The following NRG3 variants were observed in gnomAD, a reference collection of about 807,000 sequenced individuals.
NRG3 encodes pro-neuregulin-3, membrane-bound isoform.
A neutral mutation model predicts 66.9 loss-of-function variants in NRG3; 31 were observed. That is an observed-to-expected ratio of 0.46 (90% CI 0.35 to 0.63). The LOEUF (loss-of-function observed/expected upper bound fraction) is 0.63, where lower values mean the gene tolerates loss of function less well. NRG3 is among the 20% of genes least tolerant of loss of function. The pLI is 0.00. For missense variants in NRG3, 910 were observed against 878.9 expected (o/e 1.04, Z -0.45); for synonymous variants, 393 against 359.4 (o/e 1.09, Z -1.06).
intron 3 of NRG3, among the ~76,000 whole-genome samples, chr10:82,826,227 A>T (rs1215445353): frequency 3.3e-5 from 5 of 152,248 alleles, no homozygotes; most frequent in Admixed American, 1.3e-4. Context: ...ACATAAAAAG[A>T]ATCTTCAACT....
intron 2 of NRG3, among the ~76,000 whole-genome samples, chr10:82,394,091 C>G (rs902002390): frequency 6.6e-6 from 1 of 152,152 alleles, no homozygotes; most frequent in Admixed American, 6.5e-5. Context: ...GCCCAGGTCC[C>G]CCTCCATAAC....
chr10:82,354,316 G>A (rs1436922213), intron 1 of NRG3, among the ~76,000 whole-genome samples: 1 of 151,950 alleles, frequency 6.6e-6, no homozygotes, highest in Non-Finnish European at 1.5e-5. Flanking sequence ...CTGAGATACA[G>A]GTGTGAGCCA....
At chr10:82,170,013 G>A (rs2072443060) in intron 1 of NRG3, among the ~76,000 whole-genome samples, 2 of 147,204 alleles carry the variant, frequency 1.4e-5, no homozygotes, top group South Asian at 4.2e-4. Flanking sequence ...TTTTTTGATA[G>A]ACCACTGATC....
At chr10:82,414,477 A>T (rs565569949) in intron 2 of NRG3, among the ~76,000 whole-genome samples, 42 of 152,164 alleles carry the variant, frequency 2.8e-4, no homozygotes, top group Non-Finnish European at 3.8e-4. Flanking sequence ...TGAGATATTA[A>T]GAGAGTTAAT....
intron 2 of NRG3, among the ~76,000 whole-genome samples, chr10:82,691,710 T>C (rs559200012): frequency 6.6e-5 from 10 of 152,316 alleles, no homozygotes; most frequent in Admixed American, 5.9e-4. Flanking sequence ...GTGTCAAACA[T>C]TGCTCCAGGC....
At chr10:82,430,957 C>G (rs2089766317) in intron 2 of NRG3, among the ~76,000 whole-genome samples, 1 of 152,108 alleles carries the variant, frequency 6.6e-6, no homozygotes, top group African/African-American at 2.4e-5. Context: ...ATGACATTTT[C>G]AAGTCTTTTC....
At chr10:82,488,155 A>G (rs924286079) in intron 2 of NRG3, among the ~76,000 whole-genome samples, 1 of 152,214 alleles carries the variant, frequency 6.6e-6, no homozygotes, top group Admixed American at 6.5e-5. Context: ...TAATTTCAAG[A>G]CCATGGTAAA....
intron 2 of NRG3, among the ~76,000 whole-genome samples, chr10:82,691,666 A>C (rs1290887508): frequency 6.6e-6 from 1 of 152,222 alleles, no homozygotes; most frequent in African/African-American, 2.4e-5. Flanking sequence ...CCTATTTCCA[A>C]ACATAAGAAA....
At chr10:81,920,729 A>G (rs1360501288) in intron 1 of NRG3, among the ~76,000 whole-genome samples, 2 of 152,204 alleles carry the variant, frequency 1.3e-5, no homozygotes, top group Non-Finnish European at 2.9e-5. Flanking sequence ...GTAAGTACAC[A>G]TCTTATTTCA....
At chr10:81,971,385 ATTG>A (rs1589643035) in intron 1 of NRG3, among the ~76,000 whole-genome samples, 1 of 152,206 alleles carries the variant, frequency 6.6e-6, no homozygotes, top group African/African-American at 2.4e-5. Flanking sequence ...GATGTAAAGT[ATTG>A]TTTACCACTG....
chr10:82,041,099 T>C (rs1589873541), intron 1 of NRG3, among the ~76,000 whole-genome samples: 1 of 152,136 alleles, frequency 6.6e-6, no homozygotes, highest in South Asian at 2.1e-4. Context: ...AATTAAACTA[T>C]GTCATTCGCA....
At chr10:82,704,547 T>C (rs1279052624) in intron 2 of NRG3, among the ~76,000 whole-genome samples, 1 of 152,198 alleles carries the variant, frequency 6.6e-6, no homozygotes, top group Non-Finnish European at 1.5e-5. Context: ...TGTACTAGTT[T>C]GGCTCGTCTT....
chr10:82,127,791 A>C (rs1024302575), intron 1 of NRG3, among the ~76,000 whole-genome samples: 1 of 151,914 alleles, frequency 6.6e-6, no homozygotes, highest in Non-Finnish European at 1.5e-5. Context: ...TGCAAAATGC[A>C]AGCATTTCAG....
In NRG3 at chr10:82,984,043, G is replaced by A. The variant is rs149124881; in HGVS notation, c.1584-1055G>A. 2.4e-3 allele frequency among the ~76,000 whole-genome samples: 363 copies of A among 152,306 alleles called. 1 individual carries two copies. The highest frequency in any genetic ancestry group is 8.2e-3 in the African/African-American group (342 of 41,570). ...CATGATTTTCATTTACATAATAATG[G>A]CAGTCGAGGAAAGGAGATTTATTGT... On this transcript the variant is annotated intron_variant, in intron 8 of 8. Coordinates refer to ENST00000372141, the MANE Select transcript of NRG3 (RefSeq NM_001010848.4).
At position 82,793,839 on chromosome 10, in the gene NRG3, A is replaced by G. The variant is rs961607393; in HGVS notation, c.1027+55189A>G. Among the ~76,000 whole-genome samples, 3 of 152,290 alleles carry G rather than the reference A, an allele frequency of 2.0e-5. No individual in the cohort carries two copies. In the East Asian group the frequency reaches 5.8e-4, roughly 29 times the overall value. On this transcript the variant is annotated intron_variant, in intron 3 of 8. Coordinates refer to ENST00000372141, the MANE Select transcript of NRG3 (RefSeq NM_001010848.4). ...TTTTGCTCACATTCCATAGACTCGA[A>G]CAAGTCATGAGGCCAAGCCTAACAT...
intron 1 of NRG3, among the ~76,000 whole-genome samples, chr10:82,185,287 G>A (rs1564641642): frequency 6.6e-6 from 1 of 152,190 alleles, no homozygotes; most frequent in Non-Finnish European, 1.5e-5. Flanking sequence ...TAAGATGCTA[G>A]ACTATCTGCC....
At chr10:82,238,919 T>TATATATAC (rs1554857649) in intron 1 of NRG3, among the ~76,000 whole-genome samples, 1 of 142,142 alleles carries the variant, frequency 7.0e-6, no homozygotes. Flanking sequence ...ACCGTATATA[T>TATATATAC]ATATATATAA....
intron 1 of NRG3, among the ~76,000 whole-genome samples, chr10:81,903,204 AT>A (rs1370463540): frequency 6.6e-6 from 1 of 152,086 alleles, no homozygotes; most frequent in Non-Finnish European, 1.5e-5. Context: ...GAGGAAATGG[AT>A]TTTTTAAAAA....
At chr10:82,824,719 CTTTT>C (rs35568898) in intron 3 of NRG3, among the ~76,000 whole-genome samples, 2 of 138,694 alleles carry the variant, frequency 1.4e-5, no homozygotes, top group Non-Finnish European at 3.1e-5. Flanking sequence ...ATTATAGACA[CTTTT>C]TTTTTTTTTT....
Sources: gnomAD v4.1 joint callset for allele counts (sites outside exome capture counted in the v4.1 genomes callset) on GRCh38, gnomAD v4.1.1 for gene constraint, MANE v1.5 for transcripts, NCBI Gene and HGNC (gene_info 2026-07-23, HGNC 2026-07-21) for gene names.